KDM6A: variants seen among roughly 807,000 people sequenced by gnomAD.
The protein encoded by KDM6A is lysine demethylase 6A.
KDM6A carries 11 observed loss-of-function variants against 117.6 expected under a neutral mutation model. The observed-to-expected ratio is 0.09, with a 90% CI of 0.06 to 0.15. The LOEUF (loss-of-function observed/expected upper bound fraction) is 0.15, where lower values mean the gene tolerates loss of function less well. Among genes scored for constraint, KDM6A ranks in the 10% least tolerant of loss-of-function variants. The pLI, the probability that KDM6A is intolerant of heterozygous loss-of-function variation, is 1.00. For missense variants in KDM6A, 799 were observed against 1,077.3 expected, an observed-to-expected ratio of 0.74 and a Z score of 3.62; for synonymous variants, 384 against 396.1, an observed-to-expected ratio of 0.97 and a Z score of 0.36.
In KDM6A at chrX:45,076,687, T is replaced by A. The variant is rs1454682179; in HGVS notation, c.2859-10T>A. The stretch of plus-strand genomic sequence containing the variant: ...TGTACAACTGATTATCCCTTTTTTT[T>A]TTTTTCCAGGAATCTAGGTAAAAAT... On this transcript the variant is annotated splice_polypyrimidine_tract_variant and intron_variant, in intron 18 of 29. Coordinates refer to ENST00000611820, the MANE Select transcript of KDM6A (RefSeq NM_001291415.2). The A allele has an allele frequency of 3.5e-6, 4 of 1,140,586 alleles. No homozygotes were observed. The highest frequency in any genetic ancestry group is 4.8e-6 in the Non-Finnish European group (4 of 835,625). The allele number at this position is 1,140,586 out of a possible 1,213,427, so 94.0% of individuals were successfully genotyped here. A position where few individuals can be genotyped will look rare whatever the true frequency, so the allele number is the denominator to read the frequency against.
chrX:45,075,441 C>A (rs971693013), intron 18 of KDM6A, among the ~76,000 whole-genome samples: 2 of 111,524 alleles, frequency 1.8e-5, no homozygotes, highest in African/African-American at 6.5e-5. Context: ...CAACCTTTAA[C>A]CTTACTTGTT....
chrX:45,111,364 C>T lies in KDM6A; in HGVS notation c.4333-18C>T. 8.5e-7 allele frequency: 1 copy of T among 1,175,415 alleles called. No homozygotes were observed. The highest frequency in any genetic ancestry group is 1.2e-6 in the Non-Finnish European group (1 of 862,737). ...ACAATTTGTATATCAAAATAACCTACCTTACTTTTATTTTCAGGCTCCTCC... is the reference window on the plus strand; with the variant it reads ...ACAATTTGTATATCAAAATAACCTATCTTACTTTTATTTTCAGGCTCCTCC... On this transcript the variant is annotated intron_variant, in intron 29 of 29. Coordinates refer to ENST00000611820, the MANE Select transcript of KDM6A (RefSeq NM_001291415.2).
At chrX:44,955,170 C>T (rs1177720384) in intron 2 of KDM6A, among the ~76,000 whole-genome samples, 3 of 111,397 alleles carry the variant, frequency 2.7e-5, no homozygotes, top group African/African-American at 9.8e-5. Flanking sequence ...TTCTTATTCC[C>T]TCCCCACCCC....
intron 5 of KDM6A, among the ~76,000 whole-genome samples, chrX:45,013,438 A>G (rs894635886): frequency 8.9e-6 from 1 of 112,137 alleles, no homozygotes; most frequent in Non-Finnish European, 1.9e-5. Context: ...GGTTAAGAAC[A>G]TAAAATTAGT....
chrX:45,068,005 G>A lies in KDM6A; in HGVS notation c.2080-1574G>A, dbSNP rs144730165. Among the ~76,000 whole-genome samples, 340 of 111,339 alleles carry A rather than the reference G, an allele frequency of 3.1e-3. 1 individual carries two copies. Among genetic ancestry groups the A allele is most frequent in the African/African-American group, 0.011 (322 of 30,549 alleles). ...TGTTTTAGGTAGATAAGCCTATTGA[G>A]TAAAAACATTAGTTTAAAATTTTCA... On this transcript the variant is annotated intron_variant, in intron 17 of 29. Coordinates refer to ENST00000611820, the MANE Select transcript of KDM6A (RefSeq NM_001291415.2).
At chrX:44,931,370 G>A (rs772838379) in intron 2 of KDM6A, among the ~76,000 whole-genome samples, 1 of 111,640 alleles carries the variant, frequency 9.0e-6, no homozygotes, top group Admixed American at 9.5e-5. Context: ...CTACACACCC[G>A]GCCTCCAAAG....
chrX:44,998,661 T>C (rs747042733), intron 4 of KDM6A, among the ~76,000 whole-genome samples: 306 of 111,795 alleles, frequency 2.7e-3, no homozygotes, highest in Middle Eastern at 9.3e-3. Flanking sequence ...CAGATTTTTT[T>C]CCCCAACTGT....
chrX:45,086,763 TC>T (rs1287169839), intron 25 of KDM6A, among the ~76,000 whole-genome samples: 2 of 112,191 alleles, frequency 1.8e-5, no homozygotes, highest in Non-Finnish European at 3.8e-5. Flanking sequence ...TCTCTTCTTT[TC>T]TAGAACCTTA....
At chrX:44,914,485 GTAGAT>G (rs2035429638) in intron 2 of KDM6A, among the ~76,000 whole-genome samples, 1 of 111,450 alleles carries the variant, frequency 9.0e-6, no homozygotes, top group South Asian at 3.7e-4. Context: ...AGTTTTTTAG[GTAGAT>G]AAAGGAAATG....
intron 27 of KDM6A, among the ~76,000 whole-genome samples, chrX:45,094,949 A>C (rs1281996876): frequency 9.0e-6 from 1 of 111,483 alleles, no homozygotes; most frequent in Non-Finnish European, 1.9e-5. Context: ...ACCAAACTTA[A>C]GACTTTCTTC....
chrX:44,989,953 A>T (rs916319736), intron 4 of KDM6A, among the ~76,000 whole-genome samples: 3 of 111,764 alleles, frequency 2.7e-5, no homozygotes, highest in Non-Finnish European at 5.6e-5. Context: ...ATAATCTTTT[A>T]TATAAAAATC....
At position 45,103,191 on chromosome X, in the gene KDM6A, G is replaced by A. The variant is rs1163606847; in HGVS notation, c.4035-4219G>A. ...TAACCCCCAGTGTTGTCTTAACTTT[G>A]ATGTAATATAATATTATTATGGCTT... On this transcript the variant is annotated intron_variant, in intron 27 of 29. Transcript: ENST00000611820. 1.6e-4 allele frequency among the ~76,000 whole-genome samples: 18 copies of A among 110,992 alleles called. No individual in the cohort carries two copies. The Admixed American group carries it at 1.6e-3, about 10-fold the overall frequency.
intron 4 of KDM6A, among the ~76,000 whole-genome samples, chrX:45,006,041 A>G (rs1274935732): frequency 1.2e-5 from 1 of 81,572 alleles, no homozygotes; most frequent in Non-Finnish European, 2.3e-5. Context: ...CTTGGTCCCT[A>G]CCACCAAGGA....
intron 2 of KDM6A, among the ~76,000 whole-genome samples, chrX:44,946,974 C>G (rs907391445): frequency 9.0e-6 from 1 of 111,453 alleles, no homozygotes; most frequent in Non-Finnish European, 1.9e-5. Context: ...ATTTTTCTGT[C>G]TTTTTTAAGT....
chrX:44,955,555 A>G (rs2038277361), intron 2 of KDM6A, among the ~76,000 whole-genome samples: 1 of 111,451 alleles, frequency 9.0e-6, no homozygotes, highest in African/African-American at 3.3e-5. Context: ...ACCTTTTCAG[A>G]TGTACTGTTC....
Position 44,873,590 on chromosome X carries a change from T to TGCCGCC in KDM6A, c.45_50dup (p.Ala16_Ala17dup), listed in dbSNP as rs797044622. The TGCCGCC allele has an allele frequency of 1.3e-5, 16 of 1,203,950 alleles. No individual in the cohort carries two copies. In the African/African-American group the frequency reaches 2.6e-4, roughly 20 times the overall value. On this transcript the variant is annotated inframe_insertion, in exon 1 of 30. Transcript: ENST00000611820. ...GAGTGTCGCTCGCTACCGCCGCCGC[T>TGCCGCC]GCCGCCGCCGCTTTCGGTGATGAGG...
chrX:44,966,600 A>G (rs958533073), intron 3 of KDM6A, among the ~76,000 whole-genome samples: 2 of 111,107 alleles, frequency 1.8e-5, no homozygotes, highest in Non-Finnish European at 3.8e-5. Flanking sequence ...AGGATAATCT[A>G]AGGATTTAAG....
chrX:44,983,675 G>C (rs2040028448), intron 4 of KDM6A, among the ~76,000 whole-genome samples: 1 of 104,644 alleles, frequency 9.6e-6, no homozygotes, highest in Non-Finnish European at 1.9e-5. Flanking sequence ...TTGGTTTTTT[G>C]TCCTTAAGAT....
intron 19 of KDM6A, 72 bp from the exon 20 acceptor site, chrX:45,078,325 ATAT>A: frequency 1.0e-6 from 1 of 960,569 alleles, no homozygotes; most frequent in Middle Eastern, 3.9e-4. Flanking sequence ...AAAATAATGA[ATAT>A]TAATTTGGAG....
Sources: allele counts gnomAD v4.1 joint callset (sites outside exome capture counted in the v4.1 genomes callset), GRCh38; gene constraint gnomAD v4.1.1; transcripts MANE v1.5; gene names NCBI Gene and HGNC (gene_info 2026-07-23, HGNC 2026-07-21).